CDC25C: variants seen among roughly 807,000 people sequenced by gnomAD.
CDC25C encodes cell division cycle 25C, also known as M-phase inducer phosphatase 3.
Under a neutral mutation model 52.5 loss-of-function variants are expected in CDC25C, and 48 were observed. The observed-to-expected ratio is 0.91, with a 90% confidence interval of 0.72 to 1.16. The LOEUF is 1.16. Ranked by LOEUF, CDC25C falls within the 50% of genes most tolerant of loss-of-function variation. CDC25C has a pLI of 0.00. For synonymous variants in CDC25C, 187 were observed against 206.5 expected, an observed-to-expected ratio of 0.91 and a Z score of 0.81; for missense variants, 510 against 566.1, an observed-to-expected ratio of 0.90 and a Z score of 1.01.
chr5:138,335,945 A>C (rs145169508), upstream of CDC25C, among the ~76,000 whole-genome samples: 372 of 152,038 alleles, frequency 2.4e-3, 2 homozygotes, highest in Non-Finnish European at 4.3e-3. Flanking sequence ...GGGCTTTTAG[A>C]CTGCTTTTTG....
intron 7 of CDC25C, among the ~76,000 whole-genome samples, chr5:138,295,528 G>T (rs145098688): frequency 3.1e-4 from 47 of 151,826 alleles, no homozygotes; most frequent in African/African-American, 1.1e-3. Context: ...TGGAAGGATC[G>T]ATTGAGCCCA....
At chr5:138,329,449 G>T (rs1009607135) in intron 3 of CDC25C, 104 bp downstream of exon 3, 2 of 770,326 alleles carry the variant, frequency 2.6e-6, no homozygotes, top group Non-Finnish European at 4.4e-6. Flanking sequence ...TCTCTAGGCA[G>T]ATTCTTTTTA....
intron 7 of CDC25C, among the ~76,000 whole-genome samples, chr5:138,311,828 A>C (rs909203285): frequency 5.9e-5 from 9 of 152,216 alleles, no homozygotes; most frequent in Admixed American, 2.0e-4. Flanking sequence ...GATATCCAGA[A>C]TATATAAAGA....
At chr5:138,323,043 C>T (rs2126811126) in intron 6 of CDC25C, among the ~76,000 whole-genome samples, 1 of 151,862 alleles carries the variant, frequency 6.6e-6, no homozygotes, top group Non-Finnish European at 1.5e-5. Context: ...GCAACCTCTG[C>T]CTCCCAGGTT....
upstream of CDC25C, among the ~76,000 whole-genome samples, chr5:138,335,697 A>T (rs566407568): frequency 5.3e-5 from 8 of 152,046 alleles, no homozygotes; most frequent in East Asian, 9.6e-4. Flanking sequence ...CTGCACTGGG[A>T]GGCCATTTTA....
intron 7 of CDC25C, among the ~76,000 whole-genome samples, chr5:138,316,094 C>T (rs556487884): frequency 8.5e-5 from 13 of 152,276 alleles, no homozygotes; most frequent in Admixed American, 2.0e-4. Flanking sequence ...TTGTGGGGGC[C>T]GGGAGCAGGC....
At position 138,288,932 on chromosome 5, in the gene CDC25C, A is replaced by AT. The variant is rs550328323; in HGVS notation, c.927+568dup. Among the ~76,000 whole-genome samples the AT allele has an allele frequency of 2.7e-3, 416 of 152,110 alleles. 1 individual carries two copies. The highest frequency in any genetic ancestry group is 3.6e-3 in the Non-Finnish European group (246 of 67,972). On this transcript the variant is annotated intron_variant, in intron 10 of 13. Coordinates refer to ENST00000323760, the MANE Select transcript of CDC25C (RefSeq NM_001790.5). ...TAATTGAGACCATTTCTTGTGTGTG[A>AT]TTTTTTATTTTCCTTTCTTTCTCCC...
At chr5:138,297,363 G>C (rs1252674077) in intron 7 of CDC25C, among the ~76,000 whole-genome samples, 1 of 152,088 alleles carries the variant, frequency 6.6e-6, no homozygotes, top group African/African-American at 2.4e-5. Flanking sequence ...GCCCGGCCTA[G>C]TTCTTTATTT....
chr5:138,311,654 T>C lies in CDC25C; in HGVS notation c.615+7565A>G, dbSNP rs191307225. On this transcript the variant is annotated intron_variant, in intron 7 of 13. Coordinates refer to ENST00000323760, the MANE Select transcript of CDC25C (RefSeq NM_001790.5). ...ACATGACATTGAATCTGGCAATGATTTCTCAGATATGACACCAAAAGCACA... is the reference window on the plus strand; with the variant it reads ...ACATGACATTGAATCTGGCAATGATCTCTCAGATATGACACCAAAAGCACA... Among the ~76,000 whole-genome samples, 11 of 152,236 alleles carry C rather than the reference T, an allele frequency of 7.2e-5. 2 individuals carry two copies. The East Asian group carries it at 2.1e-3, about 29-fold the overall frequency.
chr5:138,329,543 T>C lies in CDC25C; in HGVS notation c.289+10A>G. The C allele has an allele frequency of 1.3e-6, 2 of 1,554,222 alleles. No individual in the cohort carries two copies. The highest frequency in any genetic ancestry group is 1.8e-6 in the Non-Finnish European group (2 of 1,126,322). On this transcript the variant is annotated intron_variant, in intron 3 of 13. Coordinates refer to ENST00000323760, the MANE Select transcript of CDC25C (RefSeq NM_001790.5). ...CTTCCCTTTGAGGCCTTTATCTCCCTTCTCCCTACCAGTTTCATCAAGGTC... is the reference window on the plus strand; with the variant it reads ...CTTCCCTTTGAGGCCTTTATCTCCCCTCTCCCTACCAGTTTCATCAAGGTC...
Position 138,286,771 on chromosome 5 carries a change from T to C in CDC25C, c.1027-141A>G, listed in dbSNP as rs1756281338. 9.1e-6 allele frequency: 6 copies of C among 662,226 alleles called. No homozygotes were observed. The Admixed American group carries it at 1.5e-4, about 16-fold the overall frequency. 41.0% of individuals were successfully genotyped at this position (662,226 alleles called of 1,614,324 possible). A position where few individuals can be genotyped will look rare whatever the true frequency, so the allele number is the denominator to read the frequency against. ...AGCACCTTTAGGGCAGGGGTCTAAGTATATCTCTGTATATACCCTGAACGC... is the reference window on the plus strand; with the variant it reads ...AGCACCTTTAGGGCAGGGGTCTAAGCATATCTCTGTATATACCCTGAACGC... On this transcript the variant is annotated intron_variant, in intron 11 of 13. Transcript: ENST00000323760.
chr5:138,295,955 A>G (rs1757142488), intron 7 of CDC25C, among the ~76,000 whole-genome samples: 1 of 152,186 alleles, frequency 6.6e-6, no homozygotes, highest in Non-Finnish European at 1.5e-5. Flanking sequence ...ATTCTATTAA[A>G]AGGCTTAATT....
intron 7 of CDC25C, among the ~76,000 whole-genome samples, chr5:138,314,003 T>TTCTTTCTTTC: frequency 1.6e-5 from 1 of 62,610 alleles, no homozygotes; most frequent in Non-Finnish European, 3.3e-5. Flanking sequence ...TTCTTTTTTT[T>TTCTTTCTTTC]TTTTTTTTGA....
chr5:138,289,706 A>G, intron 9 of CDC25C, 143 bp from the exon 10 acceptor site: 1 of 623,392 alleles, frequency 1.6e-6, no homozygotes, highest in Non-Finnish European at 2.9e-6. Flanking sequence ...TAAAGTGCAT[A>G]TACATCAAGT....
At chr5:138,335,159 A>AT (rs1467338144), upstream of CDC25C, 1 of 152,296 alleles carries the variant, frequency 6.6e-6, no homozygotes, top group Admixed American at 6.5e-5. Flanking sequence ...CACTCCTGGG[A>AT]TGCCCAGATC....
intron 7 of CDC25C, among the ~76,000 whole-genome samples, chr5:138,295,491 T>A (rs1757110382): frequency 6.6e-6 from 1 of 151,998 alleles, no homozygotes; most frequent in South Asian, 2.1e-4. Context: ...CGTGCACCTG[T>A]AGTCCCAGCT....
rs572408971 is a variant in CDC25C, at chr5:138,308,301, C to A, written c.615+10918G>T. Among the ~76,000 whole-genome samples the A allele has an allele frequency of 6.6e-5, 10 of 152,246 alleles. No homozygotes were observed. The South Asian group carries it at 2.1e-3, about 32-fold the overall frequency. ...GATCTTCAATCACCAGAGAAAGATT[C>A]AATTATGTTCACTGTACTGTACTTA... On this transcript the variant is annotated intron_variant, in intron 7 of 13. Coordinates refer to ENST00000323760, the MANE Select transcript of CDC25C (RefSeq NM_001790.5).
rs1757117393 is a variant in CDC25C, at chr5:138,295,571, C to G, written c.616-3455G>C. Among the ~76,000 whole-genome samples, 3 of 151,762 alleles carry G rather than the reference C, an allele frequency of 2.0e-5. No homozygotes were observed. In the South Asian group the frequency reaches 6.2e-4, roughly 32 times the overall value. ...GAGGCTGCAGTGAGCTGTGATCATG[C>G]CACTGCATTCCAGCCTGGGTGATAG... On this transcript the variant is annotated intron_variant, in intron 7 of 13. Coordinates refer to ENST00000323760, the MANE Select transcript of CDC25C (RefSeq NM_001790.5).
At chr5:138,319,028 C>T (rs1477843106) in intron 7 of CDC25C, among the ~76,000 whole-genome samples, 191 bp downstream of exon 7, 1 of 152,218 alleles carries the variant, frequency 6.6e-6, no homozygotes, top group Non-Finnish European at 1.5e-5. Flanking sequence ...TTTCCATTTT[C>T]TGTCCATAAT....
Sources: gnomAD v4.1 joint callset for allele counts (sites outside exome capture counted in the v4.1 genomes callset) on GRCh38, gnomAD v4.1.1 for gene constraint, MANE v1.5 for transcripts, NCBI Gene and HGNC (gene_info 2026-07-23, HGNC 2026-07-21) for gene names.